The following PAN3 variants were observed in gnomAD, a reference collection of about 807,000 sequenced individuals.
PAN3 encodes PAN2-PAN3 deadenylation complex subunit PAN3.
In PAN3, 19 loss-of-function variants were observed where a neutral mutation model predicts 96.2. The observed-to-expected ratio is 0.20, with a 90% confidence interval of 0.14 to 0.29. PAN3 has a LOEUF of 0.29. Ranked by LOEUF, PAN3 falls within the 10% of genes least tolerant of loss-of-function variation. The pLI, the probability that PAN3 is intolerant of heterozygous loss-of-function variation, is 1.00. For synonymous variants in PAN3, 433 were observed against 406.6 expected, an observed-to-expected ratio of 1.06 and a Z score of -0.78; for missense variants, 882 against 1,108.1, an observed-to-expected ratio of 0.80 and a Z score of 2.90.
chr13:28,214,255 A>G (rs1410324732), intron 5 of PAN3, among the ~76,000 whole-genome samples: 1 of 152,384 alleles, frequency 6.6e-6, no homozygotes, highest in South Asian at 2.1e-4. Flanking sequence ...ATTTGTGTAC[A>G]AAGACTTGTG....
chr13:28,201,506 G>A (rs375647810), intron 5 of PAN3, among the ~76,000 whole-genome samples: 2 of 151,906 alleles, frequency 1.3e-5, no homozygotes, highest in African/African-American at 2.4e-5. Context: ...AGATTGTGTC[G>A]CTGCACTCCA....
Position 28,139,016 on chromosome 13 carries a change from G to C in PAN3, c.359G>C (p.Gly120Ala). The change falls in exon 1 of 19, where the codon GGG becomes GCG. Residue 120 changes from glycine to alanine, a missense_variant. Gly to Ala is a moderately conservative substitution (Grantham distance 60). Coordinates refer to ENST00000380958, the MANE Select transcript of PAN3 (RefSeq NM_175854.8). ...CCCGGGCCCAAGAAGCCGGACCTGG[G>C]GGACCCGGGGACCGGAGCCGCAGCC... is the stretch of plus-strand genomic sequence containing the variant. ...PPPGPKKPDL[G>A]DPGTGAAAGG... The C allele has an allele frequency of 1.6e-6, 2 of 1,275,356 alleles. No homozygotes were observed. The highest frequency in any genetic ancestry group is 2.0e-6 in the Non-Finnish European group (2 of 1,011,296). 79.0% of individuals were successfully genotyped at this position (1,275,356 alleles called of 1,614,324 possible).
At chr13:28,227,896 G>T (rs1417630964) in intron 6 of PAN3, among the ~76,000 whole-genome samples, 3 of 152,142 alleles carry the variant, frequency 2.0e-5, no homozygotes, top group Non-Finnish European at 4.4e-5. Context: ...TAGAGTCTGG[G>T]GTGAATCAGA....
intron 6 of PAN3, among the ~76,000 whole-genome samples, chr13:28,235,442 A>T (rs1213852272): frequency 6.6e-6 from 1 of 152,128 alleles, no homozygotes; most frequent in Non-Finnish European, 1.5e-5. Context: ...CTTTAAGAAT[A>T]TGTATTTGAA....
chr13:28,232,141 T>A (rs894870913), intron 6 of PAN3, among the ~76,000 whole-genome samples: 2 of 152,158 alleles, frequency 1.3e-5, no homozygotes, highest in African/African-American at 4.8e-5. Context: ...ATTTGTAATA[T>A]CTTTGTAGTC....
intron 2 of PAN3, among the ~76,000 whole-genome samples, chr13:28,176,010 C>T (rs1473602973): frequency 6.6e-6 from 1 of 152,014 alleles, no homozygotes; most frequent in African/African-American, 2.4e-5. Flanking sequence ...GATGGAGAGA[C>T]CATACAGGCT....
chr13:28,168,312 C>T (rs1051949382), intron 1 of PAN3, among the ~76,000 whole-genome samples: 4 of 152,186 alleles, frequency 2.6e-5, no homozygotes, highest in African/African-American at 7.2e-5. Flanking sequence ...GTGAGCATTT[C>T]CTTTGAGCAT....
chr13:28,282,004 G>C (rs899057028), intron 17 of PAN3, among the ~76,000 whole-genome samples: 1 of 152,124 alleles, frequency 6.6e-6, no homozygotes, highest in South Asian at 2.1e-4. Context: ...TTGAACTCCT[G>C]ACTTCAGGTG....
At chr13:28,234,641 C>G (rs1299301547) in intron 6 of PAN3, among the ~76,000 whole-genome samples, 1 of 152,156 alleles carries the variant, frequency 6.6e-6, no homozygotes, top group Non-Finnish European at 1.5e-5. Context: ...TTTATTAACT[C>G]TTATCCTACA....
chr13:28,197,165 T>G lies in PAN3; in HGVS notation c.691-20T>G, dbSNP rs1302536306. On this transcript the variant is annotated intron_variant, in intron 4 of 18. Coordinates refer to ENST00000380958, the MANE Select transcript of PAN3 (RefSeq NM_175854.8). The stretch of plus-strand genomic sequence containing the variant: ...GGGGGATGTTAGGAGTGGCCTGGTT[T>G]CTTTCCTTCTTTTTCCTAGCCAAGG... 2.7e-5 allele frequency: 44 copies of G among 1,608,640 alleles called. No homozygotes were observed. Among genetic ancestry groups the G allele is most frequent in the Non-Finnish European group, 3.7e-5 (43 of 1,177,432 alleles).
rs1220309650 is a variant in PAN3 at position 28,138,939 on chromosome 13, C to T, written c.282C>T (p.Pro94=). 7.5e-7 allele frequency: 1 copy of T among 1,334,674 alleles called. No homozygotes were observed. Among genetic ancestry groups the T allele is most frequent in the Non-Finnish European group, 9.6e-7 (1 of 1,044,380 alleles). The allele number at this position is 1,334,674 out of a possible 1,614,324, so 82.7% of individuals were successfully genotyped here. A position where few individuals can be genotyped will look rare whatever the true frequency, so the allele number is the denominator to read the frequency against. The change falls in exon 1 of 19, where the codon CCC becomes CCT. Residue 94 remains proline, a synonymous_variant. Transcript: ENST00000380958. ...TCCCCCTGGCTCTGGCTGGTGCACC[C>T]GTGGCCGGCTTTCCGCCGGGAGCCG... is the stretch of plus-strand genomic sequence containing the variant. ...NSVPLALAGA[P]VAGFPPGAVA... is the part of the protein sequence containing the mutation.
chr13:28,184,786 A>G lies in PAN3; in HGVS notation c.690+6851A>G, dbSNP rs7986385. Among the ~76,000 whole-genome samples, 160 of 152,216 alleles carry G rather than the reference A, an allele frequency of 1.1e-3. 1 individual carries two copies. The highest frequency in any genetic ancestry group is 3.8e-3 in the African/African-American group (159 of 41,564). ...GACTTCTCTTTTATGTTTATTGGTCATTAGTGTTATTTTATGTCCTTTTCT... is the reference window on the plus strand; with the variant it reads ...GACTTCTCTTTTATGTTTATTGGTCGTTAGTGTTATTTTATGTCCTTTTCT... On this transcript the variant is annotated intron_variant, in intron 4 of 18. Coordinates refer to ENST00000380958, the MANE Select transcript of PAN3 (RefSeq NM_175854.8).
At chr13:28,202,414 AT>A (rs919372306) in intron 5 of PAN3, among the ~76,000 whole-genome samples, 18 of 151,928 alleles carry the variant, frequency 1.2e-4, no homozygotes, top group Non-Finnish European at 4.4e-5. Context: ...ATTTTTGTCA[AT>A]TTTTTTTAGG....
At chr13:28,175,044 G>C (rs922164115) in intron 2 of PAN3, among the ~76,000 whole-genome samples, 44 of 151,950 alleles carry the variant, frequency 2.9e-4, no homozygotes, top group Non-Finnish European at 1.0e-4. Flanking sequence ...GTGTTTAGAT[G>C]AGTTTTTGTT....
At chr13:28,139,792 G>A (rs1477452940) in intron 1 of PAN3, among the ~76,000 whole-genome samples, 1 of 152,112 alleles carries the variant, frequency 6.6e-6, no homozygotes, top group Non-Finnish European at 1.5e-5. Flanking sequence ...GTTTGCTGGT[G>A]TCAGCTGGGA....
rs938253463 is a variant in PAN3 at position 28,139,026 on chromosome 13, G to A, written c.369G>A (p.Gly123=). Residue 123 remains glycine (G), a synonymous_variant, in exon 1 of 19, where the codon GGG becomes GGA. Coordinates refer to ENST00000380958, the MANE Select transcript of PAN3 (RefSeq NM_175854.8). ...GPKKPDLGDP[G]TGAAAGGGGS... The stretch of plus-strand genomic sequence containing the variant: ...AGAAGCCGGACCTGGGGGACCCGGG[G>A]ACCGGAGCCGCAGCCGGCGGAGGAG... The A allele has an allele frequency of 2.4e-6, 3 of 1,275,012 alleles. No homozygotes were observed. The highest frequency in any genetic ancestry group is 2.5e-5 in the South Asian group (1 of 39,216). 79.0% of individuals were successfully genotyped at this position (1,275,012 alleles called of 1,614,324 possible). A position where few individuals can be genotyped will look rare whatever the true frequency, so the allele number is the denominator to read the frequency against.
chr13:28,156,088 G>A (rs1322158766), intron 1 of PAN3, among the ~76,000 whole-genome samples: 1 of 152,076 alleles, frequency 6.6e-6, no homozygotes, highest in Non-Finnish European at 1.5e-5. Flanking sequence ...ATAAAGTTGA[G>A]GTGCAAGAAA....
intron 6 of PAN3, among the ~76,000 whole-genome samples, chr13:28,238,099 G>A (rs927941850): frequency 2.0e-5 from 3 of 152,222 alleles, no homozygotes; most frequent in Non-Finnish European, 2.9e-5. Flanking sequence ...GAAGCCTAAG[G>A]TGTAGTTAAA....
At chr13:28,158,834 C>T (rs768592660) in intron 1 of PAN3, among the ~76,000 whole-genome samples, 8 of 151,146 alleles carry the variant, frequency 5.3e-5, no homozygotes, top group African/African-American at 7.3e-5. Context: ...GTGGATATCG[C>T]GCCACTGCAC....
Sources: allele counts gnomAD v4.1 joint callset (sites outside exome capture counted in the v4.1 genomes callset), GRCh38; gene constraint gnomAD v4.1.1; transcripts MANE v1.5; gene names NCBI Gene and HGNC (gene_info 2026-07-23, HGNC 2026-07-21).